Variants in OGT observed in about 807,000 individuals in gnomAD.
The protein encoded by OGT is O-linked N-acetylglucosamine (GlcNAc) transferase.
OGT carries 3 observed loss-of-function variants against 75.8 expected under a neutral mutation model. The ratio of observed to expected loss-of-function variants is 0.04; its 90% CI spans 0.02 to 0.10. The LOEUF (loss-of-function observed/expected upper bound fraction) is 0.10, where lower values mean the gene tolerates loss of function less well. Among genes scored for constraint, OGT ranks in the 10% least tolerant of loss-of-function variants. OGT has a pLI of 1.00. For synonymous variants in OGT, 257 were observed against 289.7 expected (o/e 0.89, Z 1.15); for missense variants, 260 against 824.4 (o/e 0.32, Z 8.38).
intron 2 of OGT, 70 bp from the exon 3 acceptor site, chrX:71,537,759 T>C: frequency 8.7e-7 from 1 of 1,142,898 alleles, no homozygotes; most frequent in Admixed American, 2.3e-5. Context: ...ACTGTTTGAG[T>C]TGCATATGGG....
At chrX:71,556,184 G>C (rs1158516705) in intron 8 of OGT, 90 bp downstream of exon 8, 2 of 992,234 alleles carry the variant, frequency 2.0e-6, no homozygotes, top group Non-Finnish European at 2.8e-6. Context: ...TGTAAAAATA[G>C]TGGTTGAATC....
chrX:71,561,733 T>G, intron 14 of OGT, 42 bp from the exon 15 acceptor site: 2 of 1,088,471 alleles, frequency 1.8e-6, no homozygotes, highest in Non-Finnish European at 2.5e-6. Context: ...AACTAATTGA[T>G]CTGAGATTAT....
chrX:71,547,335 A>G, intron 4 of OGT: 1 of 713,084 alleles, frequency 1.4e-6, no homozygotes, highest in Non-Finnish European at 1.7e-6. Flanking sequence ...ATGCCCAATG[A>G]AAGAAGAGTT....
In OGT at chrX:71,573,868, ACTT is replaced by A; in HGVS notation, c.*78_*80del. The A allele has an allele frequency of 1.2e-6, 1 of 833,981 alleles. No individual in the cohort carries two copies. The highest frequency in any genetic ancestry group is 1.7e-6 in the Non-Finnish European group (1 of 599,682). 68.7% of individuals were successfully genotyped at this position (833,981 alleles called of 1,213,427 possible). Reference sequence around the variant, plus strand: ...TGGGGGAAAGGGAACTAGATAACATACTTCTTACTTGTCTGTACAGTACCTTGT... The same window carrying A: ...TGGGGGAAAGGGAACTAGATAACATACTTACTTGTCTGTACAGTACCTTGT... On this transcript the variant is annotated 3_prime_UTR_variant, in exon 22 of 22. Coordinates refer to ENST00000373719, the MANE Select transcript of OGT (RefSeq NM_181672.3).
At chrX:71,568,145 T>C (rs766386575) in intron 21 of OGT, 29 bp downstream of exon 21, 18 of 1,138,657 alleles carry the variant, frequency 1.6e-5, no homozygotes, top group Admixed American at 2.7e-5. Flanking sequence ...GAACAAATTA[T>C]TTGGTAAAGT....
At chrX:71,540,829 T>C (rs1569424452) in intron 3 of OGT, among the ~76,000 whole-genome samples, 2 of 110,707 alleles carry the variant, frequency 1.8e-5, no homozygotes, top group Non-Finnish European at 3.8e-5. Context: ...CCCACCACCA[T>C]GCCTGGCTAA....
chrX:71,538,323 C>A, intron 3 of OGT, among the ~76,000 whole-genome samples: 1 of 112,231 alleles, frequency 8.9e-6, no homozygotes, highest in African/African-American at 3.2e-5. Flanking sequence ...TAAAATAACA[C>A]GTATAAAGTA....
Position 71,563,364 on chromosome X carries a change from C to T in OGT, c.2301C>T (p.Ser767=). ...CTGATGGAGGAGACAATGCAGATAGCAGTAACACAGCTCTTAATATGCCTG... is the reference window on the plus strand; with the variant it reads ...CTGATGGAGGAGACAATGCAGATAGTAGTAACACAGCTCTTAATATGCCTG... ...KCPDGGDNAD[S]SNTALNMPVI... is the part of the protein sequence containing the mutation. The change falls in exon 18 of 22, where the codon AGC becomes AGT. Residue 767 remains serine (S), a synonymous_variant. Coordinates refer to ENST00000373719, the MANE Select transcript of OGT (RefSeq NM_181672.3). 1 of 1,207,182 alleles carries T rather than the reference C, an allele frequency of 8.3e-7. No homozygotes were observed. Among genetic ancestry groups the T allele is most frequent in the Non-Finnish European group, 1.1e-6 (1 of 892,165 alleles).
chrX:71,567,332 A>G, intron 19 of OGT, among the ~76,000 whole-genome samples, 168 bp from the exon 20 acceptor site: 1 of 112,034 alleles, frequency 8.9e-6, no homozygotes, highest in Non-Finnish European at 1.9e-5. Context: ...GAAGAGGGAT[A>G]ATTCAATTGA....
At position 71,562,068 on chromosome X, in the gene OGT, T is replaced by C. The variant is rs141553981; in HGVS notation, c.1977+168T>C. Among the ~76,000 whole-genome samples the C allele has an allele frequency of 7.3e-3, 826 of 112,622 alleles. 8 individuals are homozygous for C. The highest frequency in any genetic ancestry group is 0.025 in the African/African-American group (789 of 31,024). Reference sequence around the variant, plus strand: ...AGGACAAAAAGAGTGTAGAGCACAGTGCTTATAGGTACATGTATATAGAGA... The same window carrying C: ...AGGACAAAAAGAGTGTAGAGCACAGCGCTTATAGGTACATGTATATAGAGA... On this transcript the variant is annotated intron_variant, in intron 15 of 21. Coordinates refer to ENST00000373719, the MANE Select transcript of OGT (RefSeq NM_181672.3).
intron 3 of OGT, among the ~76,000 whole-genome samples, chrX:71,538,586 T>C (rs1200650818): frequency 8.9e-6 from 1 of 112,399 alleles, no homozygotes; most frequent in Non-Finnish European, 1.9e-5. Flanking sequence ...ATACTACTTA[T>C]ACTGGGCTTT....
In OGT at chrX:71,547,445, C is replaced by CT. The variant is rs779735502; in HGVS notation, c.532-453dup. 259 of 711,580 alleles carry CT rather than the reference C, an allele frequency of 3.6e-4. 1 individual carries two copies. The highest frequency in any genetic ancestry group is 1.2e-3 in the East Asian group (8 of 6,429). 58.6% of individuals were successfully genotyped at this position (711,580 alleles called of 1,213,427 possible). A position where few individuals can be genotyped will look rare whatever the true frequency, so the allele number is the denominator to read the frequency against. ...TCCGAATTTATTTGATCATGAACTC[C>CT]TTTTTTTTTCAGCCATACCTCTTAA... On this transcript the variant is annotated intron_variant, in intron 4 of 21. Transcript: ENST00000373719.
At chrX:71,534,881 G>A (rs1253926993) in intron 1 of OGT, among the ~76,000 whole-genome samples, 1 of 111,815 alleles carries the variant, frequency 8.9e-6, no homozygotes, top group Non-Finnish European at 1.9e-5. Context: ...CCCAGATGTG[G>A]ATGCAAGTCT....
intron 20 of OGT, 57 bp from the exon 21 acceptor site, chrX:71,567,936 T>C: frequency 8.6e-7 from 1 of 1,168,399 alleles, no homozygotes. Flanking sequence ...ATAAATAACA[T>C]TAACTCTGTG....
In OGT at chrX:71,546,808, AGCG is replaced by A. The variant is rs2040262565; in HGVS notation, c.532-1098_532-1096del. 4.0e-6 allele frequency: 3 copies of A among 753,749 alleles called. No individual in the cohort carries two copies. The African/African-American group carries it at 6.9e-5, about 17-fold the overall frequency. The allele number at this position is 753,749 out of a possible 1,213,427, so 62.1% of individuals were successfully genotyped here. A position where few individuals can be genotyped will look rare whatever the true frequency, so the allele number is the denominator to read the frequency against. On this transcript the variant is annotated intron_variant, in intron 4 of 21. Transcript: ENST00000373719. ...CCCTGCAGTAGCGCAAAGGCTGCGC[AGCG>A]TTAATGCGCATTGCGTGCGAATGAA...
At chrX:71,556,226 A>G in intron 8 of OGT, 132 bp downstream of exon 8, 1 of 699,622 alleles carries the variant, frequency 1.4e-6, no homozygotes, top group Non-Finnish European at 2.1e-6. Flanking sequence ...TGAAGTAACA[A>G]TTGAGTACCT....
intron 3 of OGT, among the ~76,000 whole-genome samples, chrX:71,539,654 C>T (rs1218736573): frequency 3.6e-5 from 4 of 112,618 alleles, no homozygotes; most frequent in Admixed American, 1.9e-4. Flanking sequence ...ACTAATCTAG[C>T]TAGTTACCCA....
intron 1 of OGT, among the ~76,000 whole-genome samples, chrX:71,535,132 T>G (rs1387289060): frequency 1.8e-5 from 2 of 110,771 alleles, no homozygotes; most frequent in East Asian, 2.8e-4. Flanking sequence ...GCAGTTTTTT[T>G]TTTTTTTTTT....
At chrX:71,555,105 C>A in intron 6 of OGT, 85 bp from the exon 7 acceptor site, 1 of 720,277 alleles carries the variant, frequency 1.4e-6, no homozygotes, top group Non-Finnish European at 2.0e-6. Context: ...TGAGTTGTAA[C>A]AAACCATCCA....
Sources: allele counts gnomAD v4.1 joint callset (sites outside exome capture counted in the v4.1 genomes callset), GRCh38; gene constraint gnomAD v4.1.1; transcripts MANE v1.5; gene names NCBI Gene and HGNC (gene_info 2026-07-23, HGNC 2026-07-21).